Variants in NFIA observed in about 807,000 individuals in gnomAD.
NFIA encodes nuclear factor 1 A-type.
In NFIA, 8 loss-of-function variants were observed where a neutral mutation model predicts 62.8. The observed-to-expected ratio is 0.13, with a 90% CI of 0.07 to 0.23. NFIA has a LOEUF of 0.23. NFIA is among the 10% of genes least tolerant of loss of function. The pLI is 1.00. For missense variants in NFIA, 410 were observed against 642.1 expected (o/e 0.64, Z 3.91); for synonymous variants, 235 against 238.1 (o/e 0.99, Z 0.12).
chr1:61,127,727 C>A (rs1237881062), intron 2 of NFIA, among the ~76,000 whole-genome samples: 1 of 152,084 alleles, frequency 6.6e-6, no homozygotes, highest in Admixed American at 6.5e-5. Context: ...GAAAAAGAGA[C>A]TGCAATATTG....
intron 6 of NFIA, among the ~76,000 whole-genome samples, chr1:61,379,405 T>A (rs901382130): frequency 0.065 from 5,743 of 88,224 alleles, 135 homozygotes; most frequent in Middle Eastern, 0.11. Flanking sequence ...TCTTTTTCTT[T>A]TTTTTTTTTT....
chr1:61,423,144 G>A (rs1051383200), intron 9 of NFIA, among the ~76,000 whole-genome samples: 1 of 151,910 alleles, frequency 6.6e-6, no homozygotes, highest in African/African-American at 2.4e-5. Flanking sequence ...GGTCAGATTA[G>A]TGCAAATGAG....
chr1:61,306,677 T>C (rs1005850279), intron 3 of NFIA, among the ~76,000 whole-genome samples: 29 of 152,214 alleles, frequency 1.9e-4, no homozygotes, highest in African/African-American at 7.0e-4. Flanking sequence ...ACAAGGTACC[T>C]GCAAAGTAAG....
At chr1:61,188,867 C>T (rs943779170) in intron 2 of NFIA, among the ~76,000 whole-genome samples, 1 of 152,160 alleles carries the variant, frequency 6.6e-6, no homozygotes, top group African/African-American at 2.4e-5. Context: ...TTTCAGATTC[C>T]TGTTTGTCCG....
intron 2 of NFIA, among the ~76,000 whole-genome samples, chr1:61,156,778 A>G (rs1377129806): frequency 6.6e-6 from 1 of 152,240 alleles, no homozygotes. Flanking sequence ...AGCAGCGGTA[A>G]ATCAGATGTT....
chr1:61,088,641 G>C lies in NFIA; in HGVS notation c.520G>C (p.Glu174Gln), dbSNP rs754014828. 6.2e-7 allele frequency: 1 copy of C among 1,613,892 alleles called. No homozygotes were observed. The highest frequency in any genetic ancestry group is 1.1e-5 in the South Asian group (1 of 91,060). The change falls in exon 2 of 11, where the codon GAA becomes CAA. Residue 174 changes from glutamate (E) to glutamine (Q), a missense_variant. By Grantham distance (29) the Glu-to-Gln change is conservative. Coordinates refer to ENST00000403491, the MANE Select transcript of NFIA (RefSeq NM_001134673.4). This position sits in a 1 kb window ranked among gnomAD's most constrained non-coding sequence, Gnocchi z 4.5. Reference sequence around the variant, plus strand: ...CCATCACATAGGGGTTTCTGTTAAGGAACTCGATTTATATTTGGCATACTT... The same window carrying C: ...CCATCACATAGGGGTTTCTGTTAAGCAACTCGATTTATATTTGGCATACTT... ...QPHHIGVSVK[E>Q]LDLYLAYFVH...
chr1:61,367,250 T>G (rs180670816), intron 6 of NFIA, among the ~76,000 whole-genome samples: 7 of 152,318 alleles, frequency 4.6e-5, no homozygotes, highest in African/African-American at 7.2e-5. Context: ...CCAACTTAGA[T>G]TTCTAGCTGA....
chr1:61,257,558 T>C (rs192754650), intron 2 of NFIA, among the ~76,000 whole-genome samples: 10 of 152,190 alleles, frequency 6.6e-5, no homozygotes, highest in African/African-American at 2.4e-4. Context: ...CAGGATGGTC[T>C]CGAACTCCTG....
At chr1:61,163,887 C>T (rs1178080155) in intron 2 of NFIA, among the ~76,000 whole-genome samples, 1 of 152,154 alleles carries the variant, frequency 6.6e-6, no homozygotes, top group African/African-American at 2.4e-5. Context: ...GGCCATGAGT[C>T]CCAGTTGAGG....
intron 9 of NFIA, among the ~76,000 whole-genome samples, chr1:61,425,661 C>G (rs7543206): frequency 0.17 from 25,720 of 152,066 alleles, 2,576 homozygotes; most frequent in East Asian, 0.44. Flanking sequence ...AACAACAAAG[C>G]CACTGAATTT....
At chr1:61,353,118 T>A (rs1381965463) in intron 5 of NFIA, among the ~76,000 whole-genome samples, 1 of 151,992 alleles carries the variant, frequency 6.6e-6, no homozygotes, top group Non-Finnish European at 1.5e-5. Context: ...CAGTGCCAGC[T>A]CTTTTCCCAC....
At chr1:61,203,598 G>A (rs1652681202) in intron 2 of NFIA, among the ~76,000 whole-genome samples, 1 of 152,080 alleles carries the variant, frequency 6.6e-6, no homozygotes, top group Non-Finnish European at 1.5e-5. Context: ...AGCCTTCCTT[G>A]ATTAGCCTTC....
intron 10 of NFIA, among the ~76,000 whole-genome samples, chr1:61,443,587 C>G (rs1454832318): frequency 5.3e-5 from 8 of 152,158 alleles, no homozygotes; most frequent in African/African-American, 1.9e-4. Context: ...GGTATGCTCA[C>G]CTATCAGGAA....
chr1:61,096,547 CTTT>C (rs369305204), intron 2 of NFIA, among the ~76,000 whole-genome samples: 64 of 80,590 alleles, frequency 7.9e-4, no homozygotes, highest in African/African-American at 3.3e-3. Flanking sequence ...AAGATTAGTT[CTTT>C]TTTTTTTTTT....
chr1:61,164,342 A>G (rs1436740493), intron 2 of NFIA, among the ~76,000 whole-genome samples: 2 of 152,226 alleles, frequency 1.3e-5, no homozygotes, highest in African/African-American at 4.8e-5. Flanking sequence ...CTTTTCCAGA[A>G]ACTACACAGG....
intron 2 of NFIA, among the ~76,000 whole-genome samples, chr1:61,155,535 C>T (rs1422665610): frequency 2.6e-5 from 4 of 151,598 alleles, no homozygotes; most frequent in Non-Finnish European, 2.9e-5. Context: ...TAGCCGGGCG[C>T]GGTGGTGGGT....
At chr1:61,131,052 C>CG (rs1647063488) in intron 2 of NFIA, among the ~76,000 whole-genome samples, 1 of 151,746 alleles carries the variant, frequency 6.6e-6, no homozygotes, top group African/African-American at 2.4e-5. Flanking sequence ...AATATGAACT[C>CG]TAATTGCAAA....
At chr1:61,223,508 A>G (rs1186565805) in intron 2 of NFIA, among the ~76,000 whole-genome samples, 1 of 152,098 alleles carries the variant, frequency 6.6e-6, no homozygotes, top group Non-Finnish European at 1.5e-5. Flanking sequence ...TTGAGAATAT[A>G]AAATGAGACT....
At chr1:61,374,877 T>A (rs1427075802) in intron 6 of NFIA, among the ~76,000 whole-genome samples, 1 of 152,206 alleles carries the variant, frequency 6.6e-6, no homozygotes, top group Non-Finnish European at 1.5e-5. Context: ...AGGCTAAAAG[T>A]CAAAATAGTC....
Sources: gnomAD v4.1 joint callset for allele counts (sites outside exome capture counted in the v4.1 genomes callset) on GRCh38, gnomAD v4.1.1 for gene constraint, Gnocchi (gnomAD v3.1) non-coding constraint, MANE v1.5 for transcripts, NCBI Gene and HGNC (gene_info 2026-07-23, HGNC 2026-07-21) for gene names.